SYT7: variants seen among roughly 807,000 people sequenced by gnomAD.
SYT7 encodes synaptotagmin-7.
In SYT7, 29 loss-of-function variants were observed where a neutral mutation model predicts 75.1. That is an observed-to-expected ratio of 0.39 (90% CI 0.29 to 0.53). The LOEUF is 0.53. Ranked by LOEUF, SYT7 falls within the 20% of genes least tolerant of loss-of-function variation. The pLI, the probability that SYT7 is intolerant of heterozygous loss-of-function variation, is 0.77. For synonymous variants in SYT7, 376 were observed against 401.7 expected (o/e 0.94, Z 0.76); for missense variants, 693 against 953.2 (o/e 0.73, Z 3.59).
chr11:61,558,666 C>T (rs1405279613), intron 1 of SYT7, among the ~76,000 whole-genome samples: 1 of 152,170 alleles, frequency 6.6e-6, no homozygotes, highest in Non-Finnish European at 1.5e-5. Context: ...CCAGAACCAT[C>T]AAACAGCAGG....
Position 61,523,753 on chromosome 11 carries a change from T to G in SYT7, c.1756+74A>C. On this transcript the variant is annotated intron_variant, in intron 11 of 12. Coordinates refer to ENST00000539008, the MANE Select transcript of SYT7 (RefSeq NM_001365809.2). This position sits in a 1 kb window ranked among gnomAD's most constrained non-coding sequence, Gnocchi z 5.0. ...GTGAGGACCACTGCAGACCCTGCTC[T>G]CCACATCCGGTGTAAACCTTGTGTC... 2.1e-6 allele frequency: 3 copies of G among 1,443,498 alleles called. No homozygotes were observed. The highest frequency in any genetic ancestry group is 2.9e-6 in the Non-Finnish European group (3 of 1,035,834). The allele number at this position is 1,443,498 out of a possible 1,614,324, so 89.4% of individuals were successfully genotyped here. A position where few individuals can be genotyped will look rare whatever the true frequency, so the allele number is the denominator to read the frequency against.
At chr11:61,535,274 C>T (rs143572312) in intron 7 of SYT7, among the ~76,000 whole-genome samples, 4 of 152,132 alleles carry the variant, frequency 2.6e-5, no homozygotes, top group Admixed American at 1.3e-4. Flanking sequence ...GAGGAGCGTG[C>T]GGCCAACAGG....
At position 61,580,918 on chromosome 11, in the gene SYT7, G is replaced by A. The variant is rs2064247772; in HGVS notation, c.-98C>T. The stretch of plus-strand genomic sequence containing the variant: ...CTGGGCATGGGGCCGGGCGACCCCC[G>A]GGGGCGGGTCCGAGGGCGGGGGCCG... On this transcript the variant is annotated 5_prime_UTR_variant, in exon 1 of 13. Transcript: ENST00000539008. The surrounding 1 kb of genome is among the most constrained non-coding windows in gnomAD (Gnocchi z 6.1). The A allele has an allele frequency of 9.4e-7, 1 of 1,060,584 alleles. No individual in the cohort carries two copies. The highest frequency in any genetic ancestry group is 1.1e-6 in the Non-Finnish European group (1 of 879,400). The allele number at this position is 1,060,584 out of a possible 1,614,324, so 65.7% of individuals were successfully genotyped here.
chr11:61,542,269 T>A lies in SYT7; in HGVS notation c.883A>T (p.Ser295Cys). The change falls in exon 6 of 13, where the codon AGC becomes TGC. Residue 295 changes from serine to cysteine, a missense_variant. By Grantham distance (112) the Ser-to-Cys change is moderately radical (BLOSUM62 -1). Transcript: ENST00000539008. This position sits in a 1 kb window ranked among gnomAD's most constrained non-coding sequence, Gnocchi z 7.8. ...AGGRSRSNPGSWDHVVGQIRN... is the reference protein window; with the variant it reads ...AGGRSRSNPGCWDHVVGQIRN... ...ATCTGCCCCACCACGTGGTCCCAGC[T>A]GCCTGGGTTGGAGCGGCTGCGGCCC... 1 of 1,535,236 alleles carries A rather than the reference T, an allele frequency of 6.5e-7. No individual in the cohort carries two copies. Among genetic ancestry groups the A allele is most frequent in the East Asian group, 2.5e-5 (1 of 40,768 alleles).
Position 61,551,155 on chromosome 11 carries a change from C to T in SYT7, c.215+229G>A, listed in dbSNP as rs760537070. On this transcript the variant is annotated intron_variant, in intron 3 of 12. Transcript: ENST00000539008. The surrounding 1 kb of genome is among the most constrained non-coding windows in gnomAD (Gnocchi z 5.3). ...CAGAAGGTGCTGGCGGTGAGGGCAG[C>T]GGAAACGGAGGCCAGGGACTCCGGA... Among the ~76,000 whole-genome samples the T allele has an allele frequency of 2.0e-5, 3 of 151,968 alleles. No individual in the cohort carries two copies. The highest frequency in any genetic ancestry group is 1.9e-4 in the East Asian group (1 of 5,178).
chr11:61,541,011 T>G (rs2063027030), intron 6 of SYT7: 2 of 985,546 alleles, frequency 2.0e-6, no homozygotes, highest in African/African-American at 3.5e-5. Context: ...CATGTCTTGC[T>G]GGCCATGGGC....
In SYT7 at chr11:61,533,106, C is replaced by A; in HGVS notation, c.1083G>T (p.Lys361Asn). The A allele has an allele frequency of 6.2e-7, 1 of 1,603,134 alleles. No homozygotes were observed. ...CTGGCACGGGGGCTGTGTTCACCGCCTTCCCTCCTGCAGGCAACCTGAGGG... is the reference window on the plus strand; with the variant it reads ...CTGGCACGGGGGCTGTGTTCACCGCATTCCCTCCTGCAGGCAACCTGAGGG... ...QGDKRLPAGG[K>N]AVNTAPVPGQ... Residue 361 changes from lysine to asparagine, a missense_variant, in exon 8 of 13, where the codon AAG becomes AAT. Transcript: ENST00000539008.
At position 61,546,019 on chromosome 11, in the gene SYT7, G is replaced by A. The variant is rs757679394; in HGVS notation, c.572+12C>T. The A allele has an allele frequency of 9.8e-6, 15 of 1,531,386 alleles. 1 individual carries two copies. Among genetic ancestry groups the A allele is most frequent in the Admixed American group, 7.9e-5 (4 of 50,808 alleles). The allele number at this position is 1,531,386 out of a possible 1,614,324, so 94.9% of individuals were successfully genotyped here. Reference sequence around the variant, plus strand: ...CTCATGGCTCCGGCAGCCATGGGGCGCCATCACTCACTTGGACAAGTTGAG... The same window carrying A: ...CTCATGGCTCCGGCAGCCATGGGGCACCATCACTCACTTGGACAAGTTGAG... On this transcript the variant is annotated intron_variant, in intron 5 of 12. Coordinates refer to ENST00000539008, the MANE Select transcript of SYT7 (RefSeq NM_001365809.2). This position sits in a 1 kb window ranked among gnomAD's most constrained non-coding sequence, Gnocchi z 7.6.
rs1009396375 is a variant in SYT7, at chr11:61,515,419, G to C, written c.*3208C>G. ...AAAGAGGAAATCTTGCTGGCTTAGAGGGTATGTGTGGTGGAAAAATTTTGT... is the reference window on the plus strand; with the variant it reads ...AAAGAGGAAATCTTGCTGGCTTAGACGGTATGTGTGGTGGAAAAATTTTGT... On this transcript the variant is annotated 3_prime_UTR_variant, in exon 13 of 13. Coordinates refer to ENST00000539008, the MANE Select transcript of SYT7 (RefSeq NM_001365809.2). 2 of 151,816 alleles carry C rather than the reference G, an allele frequency of 1.3e-5. No homozygotes were observed. The highest frequency in any genetic ancestry group is 4.8e-5 in the African/African-American group (2 of 41,336). 9.4% of individuals were successfully genotyped at this position (151,816 alleles called of 1,614,324 possible).
At position 61,523,686 on chromosome 11, in the gene SYT7, G is replaced by C. The variant is rs1005417643; in HGVS notation, c.1756+141C>G. On this transcript the variant is annotated intron_variant, in intron 11 of 12. Transcript: ENST00000539008. This position sits in a 1 kb window ranked among gnomAD's most constrained non-coding sequence, Gnocchi z 5.0. Reference sequence around the variant, plus strand: ...CAAAGGGGGGCCCCAGGGTCTCTAGGGTAAGGAGTGAGGACTGGAGGTCGG... The same window carrying C: ...CAAAGGGGGGCCCCAGGGTCTCTAGCGTAAGGAGTGAGGACTGGAGGTCGG... 2 of 878,886 alleles carry C rather than the reference G, an allele frequency of 2.3e-6. No homozygotes were observed. Among genetic ancestry groups the C allele is most frequent in the African/African-American group, 3.3e-5 (2 of 60,114 alleles). The allele number at this position is 878,886 out of a possible 1,614,324, so 54.4% of individuals were successfully genotyped here. A position where few individuals can be genotyped will look rare whatever the true frequency, so the allele number is the denominator to read the frequency against.
chr11:61,547,066 C>G (rs769629562), intron 4 of SYT7, 111 bp downstream of exon 4: 10 of 1,315,798 alleles, frequency 7.6e-6, no homozygotes, highest in Non-Finnish European at 9.2e-6. Flanking sequence ...GGGACAGGAG[C>G]GAGAGGAGAG....
At chr11:61,575,642 G>A (rs1190622108) in intron 1 of SYT7, among the ~76,000 whole-genome samples, 1 of 152,218 alleles carries the variant, frequency 6.6e-6, no homozygotes, top group East Asian at 1.9e-4. Flanking sequence ...GGGTGTGGCA[G>A]GGGGTAGGCA....
At chr11:61,555,733 G>C (rs2063482994) in intron 2 of SYT7, among the ~76,000 whole-genome samples, 1 of 152,070 alleles carries the variant, frequency 6.6e-6, no homozygotes, top group Non-Finnish European at 1.5e-5. Flanking sequence ...TTCTCAGTCT[G>C]CGCGTGTGTG....
At chr11:61,570,536 A>G (rs944423905) in intron 1 of SYT7, among the ~76,000 whole-genome samples, 3 of 152,112 alleles carry the variant, frequency 2.0e-5, no homozygotes, top group Admixed American at 6.5e-5. Flanking sequence ...AAAAACTGAG[A>G]CTCAGGAGGG....
chr11:61,572,380 G>A (rs765957856), intron 1 of SYT7, among the ~76,000 whole-genome samples: 1 of 152,214 alleles, frequency 6.6e-6, no homozygotes, highest in South Asian at 2.1e-4. Flanking sequence ...GTACCAACTC[G>A]TAGTGCTCCC....
In SYT7 at chr11:61,558,505, T is replaced by TACACACACACACACAC. The variant is rs34301756; in HGVS notation, c.32-2314_32-2299dup. Among the ~76,000 whole-genome samples, 645 of 134,572 alleles carry TACACACACACACACAC rather than the reference T, an allele frequency of 4.8e-3. 1 individual carries two copies. Among genetic ancestry groups the TACACACACACACACAC allele is most frequent in the African/African-American group, 0.016 (587 of 35,904 alleles). The allele number at this position is 134,572 out of a possible 152,430, so 88.3% of individuals were successfully genotyped here. The stretch of plus-strand genomic sequence containing the variant: ...ATATATACACACACACACACACACA[T>TACACACACACACACAC]ACACACACACACACACACACACACA... On this transcript the variant is annotated intron_variant, in intron 1 of 12. Coordinates refer to ENST00000539008, the MANE Select transcript of SYT7 (RefSeq NM_001365809.2).
At position 61,517,648 on chromosome 11, in the gene SYT7, G is replaced by C; in HGVS notation, c.*979C>G. 1 of 398,946 alleles carries C rather than the reference G, an allele frequency of 2.5e-6. No homozygotes were observed. Among genetic ancestry groups the C allele is most frequent in the Non-Finnish European group, 4.4e-6 (1 of 226,342 alleles). The allele number at this position is 398,946 out of a possible 1,614,324, so 24.7% of individuals were successfully genotyped here. ...CGTATGAGGTGTGGGAAGCTGGCGG[G>C]GGGTCTTTTGATGAAGGAGTTAGGG... On this transcript the variant is annotated 3_prime_UTR_variant, in exon 13 of 13. Coordinates refer to ENST00000539008, the MANE Select transcript of SYT7 (RefSeq NM_001365809.2).
intron 5 of SYT7, 92 bp downstream of exon 5, chr11:61,545,939 G>C: frequency 4.2e-6 from 5 of 1,179,274 alleles, no homozygotes; most frequent in Non-Finnish European, 4.7e-6. Flanking sequence ...ACCTCTGGGG[G>C]CAGCAGCGGG....
rs202186007 is a variant in SYT7 at position 61,518,600 on chromosome 11, G to A, written c.*27C>T. 1.4e-4 allele frequency: 215 copies of A among 1,499,020 alleles called. No individual in the cohort carries two copies. The highest frequency in any genetic ancestry group is 5.3e-4 in the Admixed American group (25 of 47,246). 92.9% of individuals were successfully genotyped at this position (1,499,020 alleles called of 1,614,324 possible). On this transcript the variant is annotated 3_prime_UTR_variant, in exon 13 of 13. Coordinates refer to ENST00000539008, the MANE Select transcript of SYT7 (RefSeq NM_001365809.2). ...GGGCATGATGGGGACCTGGGCCCTCGGCCCCCTGGGCCTCCCTTGGCCCCA... is the reference window on the plus strand; with the variant it reads ...GGGCATGATGGGGACCTGGGCCCTCAGCCCCCTGGGCCTCCCTTGGCCCCA...
Sources: allele counts gnomAD v4.1 joint callset (sites outside exome capture counted in the v4.1 genomes callset), GRCh38; gene constraint gnomAD v4.1.1; non-coding constraint Gnocchi (gnomAD v3.1); transcripts MANE v1.5; gene names NCBI Gene and HGNC (gene_info 2026-07-23, HGNC 2026-07-21).